RIMS2: variants seen among roughly 807,000 people sequenced by gnomAD.
The protein encoded by RIMS2 is regulating synaptic membrane exocytosis protein 2.
In RIMS2, 59 loss-of-function variants were observed where a neutral mutation model predicts 174.4. The ratio of observed to expected loss-of-function variants is 0.34; its 90% confidence interval spans 0.27 to 0.42. The LOEUF (loss-of-function observed/expected upper bound fraction) is 0.42. RIMS2 is among the 10% of genes least tolerant of loss of function. RIMS2 has a pLI of 1.00. For missense variants in RIMS2, 1,620 were observed against 1,666.3 expected (o/e 0.97, Z 0.48); for synonymous variants, 606 against 572.5 (o/e 1.06, Z -0.84).
chr8:104,038,569 G>A (rs757577184), intron 19 of RIMS2, among the ~76,000 whole-genome samples: 1 of 151,870 alleles, frequency 6.6e-6, no homozygotes, highest in African/African-American at 2.4e-5. Context: ...CTGTGGCATG[G>A]TAATGAGAAA....
intron 15 of RIMS2, among the ~76,000 whole-genome samples, chr8:103,973,850 A>ACT (rs2154548210): frequency 6.6e-6 from 1 of 152,266 alleles, no homozygotes; most frequent in East Asian, 1.9e-4. Context: ...CAGCTGGTTT[A>ACT]CTCATCCTCA....
At chr8:103,549,251 A>G (rs36182039) in intron 1 of RIMS2, among the ~76,000 whole-genome samples, 17,658 of 152,240 alleles carry the variant, frequency 0.12, 1,365 homozygotes, top group Non-Finnish European at 0.17. Context: ...AGGGAAGGCT[A>G]TCAGACTAAC....
intron 19 of RIMS2, among the ~76,000 whole-genome samples, chr8:104,211,688 A>G (rs1218312781): frequency 6.6e-6 from 1 of 151,172 alleles, no homozygotes; most frequent in Non-Finnish European, 1.5e-5. Context: ...TAATTTTTGT[A>G]TTTTTGTTAG....
intron 3 of RIMS2, among the ~76,000 whole-genome samples, chr8:103,852,097 T>G (rs1255559980): frequency 6.6e-6 from 1 of 151,870 alleles, no homozygotes; most frequent in Non-Finnish European, 1.5e-5. Flanking sequence ...ACTTAGAGAG[T>G]GAAGAGGCTA....
intron 2 of RIMS2, among the ~76,000 whole-genome samples, chr8:103,716,623 A>G (rs10505048): frequency 0.12 from 17,635 of 151,948 alleles, 1,364 homozygotes; most frequent in Non-Finnish European, 0.17. Context: ...CCTCATTGTG[A>G]TAAATTTCTA....
intron 10 of RIMS2, among the ~76,000 whole-genome samples, chr8:103,924,984 C>A (rs1421999472): frequency 6.6e-6 from 1 of 151,590 alleles, no homozygotes; most frequent in African/African-American, 2.4e-5. Flanking sequence ...ACAGCACTCC[C>A]TTATTAGGAC....
chr8:103,969,071 T>C (rs567431181), intron 15 of RIMS2, among the ~76,000 whole-genome samples: 1 of 152,206 alleles, frequency 6.6e-6, no homozygotes, highest in Admixed American at 6.5e-5. Context: ...AGAGAACTCA[T>C]ATGTAATTCT....
chr8:103,699,113 T>C (rs1310235472), intron 2 of RIMS2, among the ~76,000 whole-genome samples: 1 of 152,212 alleles, frequency 6.6e-6, no homozygotes, highest in Admixed American at 6.5e-5. Context: ...AATAGCTGAA[T>C]TTATTGGCCT....
At chr8:103,704,424 A>G (rs1170367379) in intron 2 of RIMS2, among the ~76,000 whole-genome samples, 5 of 151,728 alleles carry the variant, frequency 3.3e-5, no homozygotes, top group Non-Finnish European at 7.4e-5. Flanking sequence ...TCTAGTCGTC[A>G]TTGTTGTTGT....
In RIMS2 at chr8:104,002,351, CT is replaced by C. The variant is rs754625183; in HGVS notation, c.3045-11089del. The stretch of plus-strand genomic sequence containing the variant: ...CATTCTCAAAAATATCCTCAATTCT[CT>C]TGCTGCATTGTTCTTCTTTTACCTA... On this transcript the variant is annotated intron_variant, in intron 17 of 23. Transcript: ENST00000504942. Among the ~76,000 whole-genome samples, 3 of 152,090 alleles carry C rather than the reference CT, an allele frequency of 2.0e-5. No homozygotes were observed. The East Asian group carries it at 5.8e-4, about 29-fold the overall frequency.
intron 1 of RIMS2, among the ~76,000 whole-genome samples, chr8:103,531,403 C>T (rs1837075942): frequency 6.6e-6 from 1 of 151,874 alleles, no homozygotes; most frequent in South Asian, 2.1e-4. Flanking sequence ...CTAAATAATC[C>T]AAAGATTAAG....
intron 3 of RIMS2, among the ~76,000 whole-genome samples, chr8:103,839,173 C>T (rs12548742): frequency 0.12 from 18,881 of 152,218 alleles, 1,272 homozygotes; most frequent in Middle Eastern, 0.22. Flanking sequence ...TAAAGCTCTT[C>T]TCTGCTAGTT....
At chr8:104,118,760 G>T (rs532759730) in intron 19 of RIMS2, among the ~76,000 whole-genome samples, 1 of 152,096 alleles carries the variant, frequency 6.6e-6, no homozygotes, top group Non-Finnish European at 1.5e-5. Flanking sequence ...TATTTTTCAC[G>T]GTTCTGGGAG....
chr8:104,202,031 A>G (rs2099057392), intron 19 of RIMS2, among the ~76,000 whole-genome samples: 1 of 152,192 alleles, frequency 6.6e-6, no homozygotes, highest in African/African-American at 2.4e-5. Flanking sequence ...CTTAGAAGCA[A>G]ATCAGTGAGC....
At chr8:103,779,385 A>G (rs1277897530) in intron 3 of RIMS2, among the ~76,000 whole-genome samples, 1 of 152,040 alleles carries the variant, frequency 6.6e-6, no homozygotes, top group Non-Finnish European at 1.5e-5. Flanking sequence ...TTGGGTCTTC[A>G]ATATAAGTTT....
At chr8:104,223,474 G>T (rs902882495) in intron 19 of RIMS2, 3 of 1,374,888 alleles carry the variant, frequency 2.2e-6, no homozygotes, top group African/African-American at 3.0e-5. Flanking sequence ...GGTCCCGGCG[G>T]CCAGGAAAGC....
chr8:104,235,193 C>G (rs1228089237), intron 19 of RIMS2, among the ~76,000 whole-genome samples: 2 of 152,016 alleles, frequency 1.3e-5, no homozygotes, highest in Non-Finnish European at 1.5e-5. Context: ...TTTGGACATG[C>G]AAGGAGAACC....
At chr8:103,856,458 G>T (rs2099028232) in intron 3 of RIMS2, among the ~76,000 whole-genome samples, 1 of 152,168 alleles carries the variant, frequency 6.6e-6, no homozygotes, top group Admixed American at 6.5e-5. Flanking sequence ...TTTTATACTG[G>T]AATGGCAACA....
chr8:103,955,345 T>C (rs2086799468), intron 14 of RIMS2, among the ~76,000 whole-genome samples: 1 of 152,128 alleles, frequency 6.6e-6, no homozygotes, highest in African/African-American at 2.4e-5. Context: ...AATGTGAAAA[T>C]CCTCAGTAAA....
Sources: gnomAD v4.1 joint callset for allele counts (sites outside exome capture counted in the v4.1 genomes callset) on GRCh38, gnomAD v4.1.1 for gene constraint, MANE v1.5 for transcripts, NCBI Gene and HGNC (gene_info 2026-07-23, HGNC 2026-07-21) for gene names.